Variants in PAICS observed in about 807,000 individuals in gnomAD.
PAICS encodes the protein bifunctional phosphoribosylaminoimidazole carboxylase/phosphoribosylaminoimidazole succinocarboxamide synthetase.
Under a neutral mutation model 53.7 loss-of-function variants are expected in PAICS, and 33 were observed. The ratio of observed to expected loss-of-function variants is 0.61; its 90% CI spans 0.47 to 0.82. PAICS has a LOEUF of 0.82. Ranked by LOEUF, PAICS falls within the 40% of genes least tolerant of loss-of-function variation. The pLI, the probability that PAICS is intolerant of heterozygous loss-of-function variation, is 0.00. For synonymous variants in PAICS, 141 were observed against 167.2 expected, an observed-to-expected ratio of 0.84 and a Z score of 1.21; for missense variants, 394 against 494.1, an observed-to-expected ratio of 0.80 and a Z score of 1.92.
Position 56,447,081 on chromosome 4 carries a change from C to T in PAICS, c.393+208C>T, listed in dbSNP as rs546496448. Among the ~76,000 whole-genome samples, 10 of 150,632 alleles carry T rather than the reference C, an allele frequency of 6.6e-5. No homozygotes were observed. The South Asian group carries it at 2.1e-3, about 32-fold the overall frequency. Reference sequence around the variant, plus strand: ...AAATCAAATTTTAAAAAGAAAGCATCTGAAAATCTTACCTTTGAACCAAGA... The same window carrying T: ...AAATCAAATTTTAAAAAGAAAGCATTTGAAAATCTTACCTTTGAACCAAGA... On this transcript the variant is annotated intron_variant, in intron 3 of 8. Transcript: ENST00000512576.
intron 1 of PAICS, among the ~76,000 whole-genome samples, chr4:56,438,348 TA>T (rs954374220): frequency 4.5e-5 from 6 of 133,852 alleles, no homozygotes; most frequent in Non-Finnish European, 6.6e-5. Context: ...AGTAAAATAA[TA>T]AAAAAAACTG....
intron 1 of PAICS, among the ~76,000 whole-genome samples, chr4:56,438,211 C>G (rs2110079392): frequency 6.6e-6 from 1 of 151,880 alleles, no homozygotes; most frequent in Admixed American, 6.6e-5. Flanking sequence ...TAGCTATGTT[C>G]CAGTCAGGTT....
intron 1 of PAICS, among the ~76,000 whole-genome samples, chr4:56,440,299 A>G (rs1718270690): frequency 6.6e-6 from 1 of 152,232 alleles, no homozygotes; most frequent in African/African-American, 2.4e-5. Flanking sequence ...AGGGACTTTT[A>G]AACCATGTTA....
At chr4:56,452,635 G>A (rs1314296771) in intron 7 of PAICS, among the ~76,000 whole-genome samples, 1 of 152,126 alleles carries the variant, frequency 6.6e-6, no homozygotes, top group Non-Finnish European at 1.5e-5. Flanking sequence ...GAAGCCCCTG[G>A]AGCATTGCTT....
chr4:56,436,036 G>C (rs1285974541), upstream of PAICS: 3 of 1,520,310 alleles, frequency 2.0e-6, no homozygotes, highest in South Asian at 1.2e-5. Flanking sequence ...TCGCCTGTCC[G>C]GGCACTGCGC....
the PAICS span, among the ~76,000 whole-genome samples, chr4:56,419,143 G>A: frequency 6.6e-6 from 1 of 152,088 alleles, no homozygotes; most frequent in Non-Finnish European, 1.5e-5. Flanking sequence ...ATGCTTCCCA[G>A]TAGACTGATA....
chr4:56,436,581 A>G (rs938401533), intron 1 of PAICS: 7 of 698,492 alleles, frequency 1.0e-5, no homozygotes, highest in Admixed American at 6.0e-5. Flanking sequence ...AGTATTATTT[A>G]TAATCAATAG....
At chr4:56,438,369 G>GTT (rs1718131465) in intron 1 of PAICS, among the ~76,000 whole-genome samples, 1 of 44,624 alleles carries the variant, frequency 2.2e-5, no homozygotes, top group African/African-American at 6.8e-5. Flanking sequence ...GGTGCAATGT[G>GTT]TTTATATATA....
intron 8 of PAICS, among the ~76,000 whole-genome samples, chr4:56,456,923 A>G (rs1719240355): frequency 6.6e-6 from 1 of 152,110 alleles, no homozygotes; most frequent in African/African-American, 2.4e-5. Flanking sequence ...ATACTATAAA[A>G]AACAATTGGA....
At chr4:56,459,069 G>C (rs1374471081) in intron 8 of PAICS, among the ~76,000 whole-genome samples, 2 of 152,206 alleles carry the variant, frequency 1.3e-5, no homozygotes, top group Non-Finnish European at 2.9e-5. Flanking sequence ...GAAAGGGATA[G>C]TGTATGTGAA....
At chr4:56,436,137 C>T (rs1026902235), upstream of PAICS, 3 of 1,479,646 alleles carry the variant, frequency 2.0e-6, no homozygotes, top group African/African-American at 2.8e-5. Context: ...ATCCGCGTTT[C>T]AGTCTCCGCC....
chr4:56,457,077 C>G (rs1488559062), intron 8 of PAICS, among the ~76,000 whole-genome samples: 3 of 152,150 alleles, frequency 2.0e-5, no homozygotes, highest in African/African-American at 7.2e-5. Context: ...CAAAAGTTGT[C>G]TGTGCCTGGC....
chr4:56,448,147 A>G (rs975523014), intron 3 of PAICS, among the ~76,000 whole-genome samples: 1 of 150,990 alleles, frequency 6.6e-6, no homozygotes, highest in Admixed American at 6.6e-5. Flanking sequence ...AGCTGGGATT[A>G]CAGGTGCACA....
chr4:56,439,938 T>A (rs1718252336), intron 1 of PAICS, among the ~76,000 whole-genome samples: 1 of 152,196 alleles, frequency 6.6e-6, no homozygotes, highest in African/African-American at 2.4e-5. Flanking sequence ...CGTTTCTTGT[T>A]CAAGTTACTG....
At chr4:56,440,042 C>A (rs917591885) in intron 1 of PAICS, among the ~76,000 whole-genome samples, 1 of 152,184 alleles carries the variant, frequency 6.6e-6, no homozygotes, top group Non-Finnish European at 1.5e-5. Context: ...ATGATCTTTC[C>A]AAATAGCGTT....
the PAICS span, chr4:56,421,957 A>T: frequency 6.6e-6 from 1 of 152,192 alleles, no homozygotes; most frequent in African/African-American, 2.4e-5. Flanking sequence ...TAAAAAGGAA[A>T]ATACTGCATT....
intron 5 of PAICS, among the ~76,000 whole-genome samples, chr4:56,449,040 C>A (rs900183371): frequency 6.6e-6 from 1 of 152,136 alleles, no homozygotes; most frequent in Non-Finnish European, 1.5e-5. Flanking sequence ...CATCTGTTAT[C>A]TTAATAACAT....
upstream of PAICS, chr4:56,435,860 T>C: frequency 6.7e-7 from 1 of 1,484,218 alleles, no homozygotes; most frequent in Non-Finnish European, 9.0e-7. Flanking sequence ...CTTAACCTCA[T>C]TTCTCTTTCA....
chr4:56,414,254 C>A, the PAICS span: 1 of 152,150 alleles, frequency 6.6e-6, no homozygotes, highest in Non-Finnish European at 1.5e-5. Context: ...GTGTGTGATA[C>A]ACGGAAGAAG....
Sources: gnomAD v4.1 joint callset for allele counts (sites outside exome capture counted in the v4.1 genomes callset) on GRCh38, gnomAD v4.1.1 for gene constraint, MANE v1.5 for transcripts, NCBI Gene and HGNC (gene_info 2026-07-23, HGNC 2026-07-21) for gene names.